CAMK1D: variants seen among roughly 807,000 people sequenced by gnomAD.
The protein encoded by CAMK1D is calcium/calmodulin-dependent protein kinase type 1D.
In CAMK1D, 9 loss-of-function variants were observed where a neutral mutation model predicts 47.7. The observed-to-expected ratio is 0.19, with a 90% CI of 0.11 to 0.33. The LOEUF is 0.33. CAMK1D is among the 10% of genes least tolerant of loss of function. CAMK1D has a pLI of 1.00. For missense variants in CAMK1D, 291 were observed against 488.7 expected (o/e 0.60, Z 3.81); for synonymous variants, 184 against 184.9 (o/e 0.99, Z 0.04).
chr10:12,630,855 G>T (rs1227047879), intron 2 of CAMK1D, among the ~76,000 whole-genome samples: 1 of 152,266 alleles, frequency 6.6e-6, no homozygotes, highest in East Asian at 1.9e-4. Flanking sequence ...GCCATTTTTA[G>T]GGTGGGAGGC....
At chr10:12,400,331 C>T (rs903388070) in intron 1 of CAMK1D, among the ~76,000 whole-genome samples, 2 of 152,192 alleles carry the variant, frequency 1.3e-5, no homozygotes, top group Non-Finnish European at 2.9e-5. Flanking sequence ...GTTTAAACTT[C>T]ACTGTGAGCT....
chr10:12,370,337 T>C (rs10906139), intron 1 of CAMK1D, among the ~76,000 whole-genome samples: 54,790 of 136,088 alleles, frequency 0.4, 10,147 homozygotes, highest in Middle Eastern at 0.45. Context: ...TAATAAACAA[T>C]GATGTTACTG....
intron 5 of CAMK1D, among the ~76,000 whole-genome samples, chr10:12,780,101 A>G (rs1178555702): frequency 6.6e-6 from 1 of 151,496 alleles, no homozygotes; most frequent in East Asian, 1.9e-4. Flanking sequence ...GTTGGTCAAC[A>G]TTCTCGGTGT....
chr10:12,624,435 C>T (rs1160138369), intron 2 of CAMK1D, among the ~76,000 whole-genome samples: 1 of 152,200 alleles, frequency 6.6e-6, no homozygotes, highest in Admixed American at 6.5e-5. Flanking sequence ...AAAACCACCT[C>T]TCCACTCTCG....
At chr10:12,456,772 A>C (rs980705772) in intron 1 of CAMK1D, 1 of 151,126 alleles carries the variant, frequency 6.6e-6, no homozygotes, top group Non-Finnish European at 1.5e-5. Flanking sequence ...GTCTCAAAAA[A>C]AAAAAAAAAA....
chr10:12,819,932 G>A (rs1350930131), intron 8 of CAMK1D, among the ~76,000 whole-genome samples: 1 of 152,150 alleles, frequency 6.6e-6, no homozygotes, highest in Non-Finnish European at 1.5e-5. Context: ...GGCAGAGTGA[G>A]GTAAGGAAGA....
chr10:12,378,272 C>T (rs185561152), intron 1 of CAMK1D, among the ~76,000 whole-genome samples: 29 of 152,224 alleles, frequency 1.9e-4, no homozygotes, highest in East Asian at 5.8e-4. Flanking sequence ...TTAGATACAG[C>T]GTCTCACTCC....
intron 2 of CAMK1D, among the ~76,000 whole-genome samples, chr10:12,633,018 T>C (rs1839424009): frequency 2.0e-5 from 3 of 152,186 alleles, no homozygotes; most frequent in Non-Finnish European, 1.5e-5. Context: ...TGCTGCCTCA[T>C]GCTCAGGTTG....
At chr10:12,541,849 TCCTTC>T (rs1412674932) in intron 1 of CAMK1D, among the ~76,000 whole-genome samples, 1 of 117,806 alleles carries the variant, frequency 8.5e-6, no homozygotes, top group African/African-American at 3.3e-5. Context: ...TTATCTTCCT[TCCTTC>T]CTTCCTTCCT....
At chr10:12,646,073 T>TA (rs896355870) in intron 2 of CAMK1D, among the ~76,000 whole-genome samples, 56 of 152,194 alleles carry the variant, frequency 3.7e-4, no homozygotes, top group South Asian at 1.2e-3. Flanking sequence ...ATTACTTACT[T>TA]AAAAAAATTC....
rs151316948 is a variant in CAMK1D, at chr10:12,715,178, G to A, written c.300-45770G>A. Among the ~76,000 whole-genome samples, 279 of 152,092 alleles carry A rather than the reference G, an allele frequency of 1.8e-3. 2 individuals carry two copies. Among genetic ancestry groups the A allele is most frequent in the African/African-American group, 6.1e-3 (251 of 41,474 alleles). On this transcript the variant is annotated intron_variant, in intron 3 of 10. Transcript: ENST00000619168. ...TGAGATCCACTTTCTCAGCTACCAC[G>A]TATGAGTCGTCACAGTTCTTGATGA...
At chr10:12,388,168 G>A (rs997012736) in intron 1 of CAMK1D, among the ~76,000 whole-genome samples, 4 of 152,122 alleles carry the variant, frequency 2.6e-5, no homozygotes, top group East Asian at 1.9e-4. Flanking sequence ...AAGTACAGGC[G>A]TGTGTGTGCC....
intron 2 of CAMK1D, among the ~76,000 whole-genome samples, chr10:12,620,653 A>T (rs1275654480): frequency 6.6e-6 from 1 of 152,078 alleles, no homozygotes; most frequent in African/African-American, 2.4e-5. Context: ...ACAGTTCTTT[A>T]TATAGTCTGA....
intron 1 of CAMK1D, among the ~76,000 whole-genome samples, chr10:12,463,005 G>GA (rs1833482676): frequency 6.6e-6 from 1 of 152,176 alleles, no homozygotes; most frequent in Non-Finnish European, 1.5e-5. Flanking sequence ...ATATGCCAGA[G>GA]AATAAACATC....
chr10:12,584,229 T>C (rs1837748513), intron 2 of CAMK1D, among the ~76,000 whole-genome samples: 1 of 152,160 alleles, frequency 6.6e-6, no homozygotes, highest in Non-Finnish European at 1.5e-5. Flanking sequence ...AAAGTAGCAA[T>C]ACATTTTAAG....
Position 12,805,457 on chromosome 10 carries a change from A to G in CAMK1D, c.642-8738A>G, listed in dbSNP as rs549388933. ...GCGATCTCAGCTCACTGCAAACTCC[A>G]CCTCCCGGGTTCAAGTGATTCTCCT... On this transcript the variant is annotated intron_variant, in intron 6 of 10. Coordinates refer to ENST00000619168, the MANE Select transcript of CAMK1D (RefSeq NM_153498.4). 7.4e-4 allele frequency among the ~76,000 whole-genome samples: 102 copies of G among 138,200 alleles called. 2 individuals carry two copies. In the South Asian group the frequency reaches 0.022, roughly 29 times the overall value. 90.7% of individuals were successfully genotyped at this position (138,200 alleles called of 152,430 possible).
chr10:12,539,916 G>A (rs1836109704), intron 1 of CAMK1D, among the ~76,000 whole-genome samples: 1 of 152,064 alleles, frequency 6.6e-6, no homozygotes, highest in African/African-American at 2.4e-5. Context: ...CTCAAAAAGA[G>A]GTGAATTTTT....
chr10:12,806,564 C>A (rs1588951328), intron 6 of CAMK1D, among the ~76,000 whole-genome samples: 1 of 152,212 alleles, frequency 6.6e-6, no homozygotes, highest in South Asian at 2.1e-4. Flanking sequence ...TTTTGCGTCC[C>A]TTTTGCAGCT....
chr10:12,570,444 C>T (rs996736345), intron 2 of CAMK1D, among the ~76,000 whole-genome samples: 8 of 151,654 alleles, frequency 5.3e-5, no homozygotes, highest in Non-Finnish European at 5.9e-5. Context: ...TTTGGGAGGC[C>T]GAGATGGGTG....
Sources: gnomAD v4.1 joint callset for allele counts (sites outside exome capture counted in the v4.1 genomes callset) on GRCh38, gnomAD v4.1.1 for gene constraint, MANE v1.5 for transcripts, NCBI Gene and HGNC (gene_info 2026-07-23, HGNC 2026-07-21) for gene names.